The following RALGAPA2 variants were observed in gnomAD, a reference collection of about 807,000 sequenced individuals.
The protein encoded by RALGAPA2 is Ral GTPase activating protein catalytic subunit alpha 2.
Under a neutral mutation model 230.4 loss-of-function variants are expected in RALGAPA2, and 139 were observed. The observed-to-expected ratio is 0.60, with a 90% CI of 0.53 to 0.69. The LOEUF is 0.69. RALGAPA2 is among the 30% of genes least tolerant of loss of function. RALGAPA2 has a pLI of 0.00. For synonymous variants in RALGAPA2, 847 were observed against 837.8 expected, an observed-to-expected ratio of 1.01 and a Z score of -0.19; for missense variants, 2,163 against 2,276.0, an observed-to-expected ratio of 0.95 and a Z score of 1.01.
At chr20:20,663,360 C>A (rs868507246) in intron 3 of RALGAPA2, among the ~76,000 whole-genome samples, 3 of 152,160 alleles carry the variant, frequency 2.0e-5, no homozygotes, top group African/African-American at 7.2e-5. Context: ...ATGCCTGAAA[C>A]CACAGATAGT....
intron 38 of RALGAPA2, among the ~76,000 whole-genome samples, chr20:20,400,731 C>A (rs2059815162): frequency 2.0e-5 from 3 of 152,088 alleles, no homozygotes; most frequent in East Asian, 3.9e-4. Context: ...CACAGAGGAC[C>A]CGAACATTCA....
At chr20:20,425,158 A>G (rs6046851) in intron 37 of RALGAPA2, among the ~76,000 whole-genome samples, 27,470 of 152,156 alleles carry the variant, frequency 0.18, 6,526 homozygotes, top group African/African-American at 0.54. Flanking sequence ...GAAACTGACA[A>G]GTATAAGAAA....
intron 23 of RALGAPA2, among the ~76,000 whole-genome samples, chr20:20,550,027 G>C (rs1052386221): frequency 6.6e-6 from 1 of 152,056 alleles, no homozygotes; most frequent in Non-Finnish European, 1.5e-5. Flanking sequence ...GGGAACAGGC[G>C]CTATTTGGTC....
In RALGAPA2 at chr20:20,393,127, G is replaced by A; in HGVS notation, c.*162C>T. 1 of 1,360,546 alleles carries A rather than the reference G, an allele frequency of 7.3e-7. No homozygotes were observed. The allele number at this position is 1,360,546 out of a possible 1,614,324, so 84.3% of individuals were successfully genotyped here. A position where few individuals can be genotyped will look rare whatever the true frequency, so the allele number is the denominator to read the frequency against. Reference sequence around the variant, plus strand: ...ATGGGAAGACCTGCTGAGGGCACTAGTACAGCAACGAAATTTCCTGGAGAT... The same window carrying A: ...ATGGGAAGACCTGCTGAGGGCACTAATACAGCAACGAAATTTCCTGGAGAT... On this transcript the variant is annotated 3_prime_UTR_variant, in exon 40 of 40. Transcript: ENST00000202677.
chr20:20,469,995 C>A (rs1958711442), intron 37 of RALGAPA2, among the ~76,000 whole-genome samples: 1 of 152,132 alleles, frequency 6.6e-6, no homozygotes, highest in Non-Finnish European at 1.5e-5. Flanking sequence ...GACAAAGGGG[C>A]TGCGATGAAC....
chr20:20,684,570 A>G (rs895011912), intron 1 of RALGAPA2, among the ~76,000 whole-genome samples: 1 of 152,210 alleles, frequency 6.6e-6, no homozygotes, highest in African/African-American at 2.4e-5. Flanking sequence ...CTAACAAGAC[A>G]ACTAGATACA....
At chr20:20,402,156 C>A (rs2059855904) in intron 38 of RALGAPA2, among the ~76,000 whole-genome samples, 1 of 152,190 alleles carries the variant, frequency 6.6e-6, no homozygotes, top group Non-Finnish European at 1.5e-5. Context: ...CATGACCAGC[C>A]ACCTGGTGAT....
At chr20:20,587,240 G>A (rs1353865478) in intron 18 of RALGAPA2, among the ~76,000 whole-genome samples, 1 of 152,062 alleles carries the variant, frequency 6.6e-6, no homozygotes, top group Non-Finnish European at 1.5e-5. Context: ...AAAGATTATG[G>A]AAAAATAACT....
intron 16 of RALGAPA2, among the ~76,000 whole-genome samples, chr20:20,595,552 T>G (rs2065426161): frequency 6.6e-6 from 1 of 152,132 alleles, no homozygotes; most frequent in South Asian, 2.1e-4. Context: ...TAAGGGGAGA[T>G]TGTTGATCCT....
At chr20:20,617,503 C>T (rs2066185761) in intron 12 of RALGAPA2, among the ~76,000 whole-genome samples, 1 of 152,186 alleles carries the variant, frequency 6.6e-6, no homozygotes, top group Non-Finnish European at 1.5e-5. Context: ...TAGTATGCCA[C>T]AGATGATATA....
intron 27 of RALGAPA2, among the ~76,000 whole-genome samples, chr20:20,530,609 T>C (rs890234031): frequency 1.3e-5 from 2 of 152,190 alleles, no homozygotes; most frequent in Non-Finnish European, 2.9e-5. Context: ...AGACTGTTGC[T>C]GGCCTGATGG....
intron 37 of RALGAPA2, among the ~76,000 whole-genome samples, chr20:20,447,196 T>C (rs906926619): frequency 3.3e-5 from 5 of 152,206 alleles, no homozygotes; most frequent in Admixed American, 2.6e-4. Flanking sequence ...CTGTCTGACT[T>C]GGTGGCAGTA....
In RALGAPA2 at chr20:20,571,542, G is replaced by C; in HGVS notation, c.3072C>G (p.Thr1024=). ...QAYRLICAMM[T]RRQDVLPNSD... ...AGTTTGGCAGAACGTCCTGGCGTCT[G>C]GTCATCATGGCACAGATCAGCCTGT... is the stretch of plus-strand genomic sequence containing the variant. Residue 1024 remains threonine, a synonymous_variant, in exon 23 of 40, where the codon ACC becomes ACG. Coordinates refer to ENST00000202677, the MANE Select transcript of RALGAPA2 (RefSeq NM_020343.4). The C allele has an allele frequency of 6.2e-7, 1 of 1,612,548 alleles. No homozygotes were observed. Among genetic ancestry groups the C allele is most frequent in the Non-Finnish European group, 8.5e-7 (1 of 1,179,312 alleles).
intron 37 of RALGAPA2, among the ~76,000 whole-genome samples, chr20:20,446,778 G>C (rs1569408346): frequency 6.6e-6 from 1 of 152,202 alleles, no homozygotes; most frequent in East Asian, 1.9e-4. Context: ...TTCAAAATGT[G>C]TCTGAGGCTG....
chr20:20,492,268 C>T (rs191612065), intron 36 of RALGAPA2, among the ~76,000 whole-genome samples: 1 of 151,994 alleles, frequency 6.6e-6, no homozygotes, highest in African/African-American at 2.4e-5. Flanking sequence ...GCCCAGAGAA[C>T]AGTAAAATAA....
rs1556066770 is a variant in RALGAPA2 at position 20,465,149 on chromosome 20, T to TCTCACACACACA, written c.5495+7679_5495+7680insTGTGTGTGTGAG. Among the ~76,000 whole-genome samples, 77 of 109,240 alleles carry TCTCACACACACA rather than the reference T, an allele frequency of 7.0e-4. 1 individual carries two copies. The highest frequency in any genetic ancestry group is 5.3e-3 in the Middle Eastern group (1 of 188). The allele number at this position is 109,240 out of a possible 152,430, so 71.7% of individuals were successfully genotyped here. A position where few individuals can be genotyped will look rare whatever the true frequency, so the allele number is the denominator to read the frequency against. On this transcript the variant is annotated intron_variant, in intron 37 of 39. Transcript: ENST00000202677. Reference sequence around the variant, plus strand: ...GCTTCTTCCCTCCCCCCGCAGGCCTTCACACACACACACACACACACACAC... The same window carrying TCTCACACACACA: ...GCTTCTTCCCTCCCCCCGCAGGCCTTCTCACACACACACACACACACACACACACACACACAC...
At chr20:20,507,013 C>T (rs543842491) in intron 33 of RALGAPA2, among the ~76,000 whole-genome samples, 11 of 152,294 alleles carry the variant, frequency 7.2e-5, no homozygotes, top group African/African-American at 1.2e-4. Flanking sequence ...AGAACATAGC[C>T]GTTACACCAT....
chr20:20,598,658 CAT>C (rs1486842913), intron 16 of RALGAPA2: 2 of 452,630 alleles, frequency 4.4e-6, no homozygotes, highest in Non-Finnish European at 8.9e-6. Context: ...GTGATGGACA[CAT>C]GAGACAGTAT....
intron 24 of RALGAPA2, among the ~76,000 whole-genome samples, chr20:20,538,082 G>C (rs994726630): frequency 6.6e-6 from 1 of 152,180 alleles, no homozygotes; most frequent in Non-Finnish European, 1.5e-5. Context: ...CAGTATGTGA[G>C]GTAGGTGAGG....
Sources: allele counts gnomAD v4.1 joint callset (sites outside exome capture counted in the v4.1 genomes callset), GRCh38; gene constraint gnomAD v4.1.1; transcripts MANE v1.5; gene names NCBI Gene and HGNC (gene_info 2026-07-23, HGNC 2026-07-21).